Variants in MCC observed in about 807,000 individuals in gnomAD.
MCC encodes the protein MCC regulator of Wnt signaling pathway, also known as colorectal mutant cancer protein.
MCC carries 90 observed loss-of-function variants against 116.2 expected under a neutral mutation model. The observed-to-expected ratio is 0.77, with a 90% CI of 0.65 to 0.92. The LOEUF is 0.92. Among genes scored for constraint, MCC ranks in the 40% least tolerant of loss-of-function variants. The pLI is 0.00. For missense variants in MCC, 1,516 were observed against 1,312.2 expected, an observed-to-expected ratio of 1.16 and a Z score of -2.40; for synonymous variants, 578 against 510.5, an observed-to-expected ratio of 1.13 and a Z score of -1.78.
intron 5 of MCC, among the ~76,000 whole-genome samples, chr5:113,130,721 T>G (rs1393225020): frequency 2.6e-5 from 4 of 152,126 alleles, no homozygotes; most frequent in Non-Finnish European, 5.9e-5. Flanking sequence ...ATCATCCCTC[T>G]CAGGCCATGT....
At position 113,029,019 on chromosome 5, in the gene MCC, T is replaced by G. The variant is rs748007357; in HGVS notation, c.2794A>C (p.Ser932Arg). ...CTCTTGGTGAGTCTCTCCAAGGCACTCACCAGCTCTTGAACTCTGGCCTTC... is the reference window on the plus strand; with the variant it reads ...CTCTTGGTGAGTCTCTCCAAGGCACGCACCAGCTCTTGAACTCTGGCCTTC... The part of the protein sequence containing the change: ...KLKARVQELV[S>R]ALERLTKSSE... The change falls in exon 18 of 19, where the codon AGT (serine) becomes CGT (arginine). Residue 932 changes from serine (S) to arginine (R), a missense_variant. Coordinates refer to ENST00000408903, the MANE Select transcript of MCC (RefSeq NM_001085377.2). 1.4e-5 allele frequency: 23 copies of G among 1,613,598 alleles called. No individual in the cohort carries two copies. Among genetic ancestry groups the G allele is most frequent in the Non-Finnish European group, 1.9e-5 (23 of 1,179,700 alleles).
intron 3 of MCC, among the ~76,000 whole-genome samples, chr5:113,334,040 T>C (rs1767811880): frequency 6.8e-6 from 1 of 146,894 alleles, no homozygotes; most frequent in Non-Finnish European, 1.5e-5. Flanking sequence ...AATTAATACT[T>C]TTATTAATAA....
Position 113,024,126 on chromosome 5 carries a change from G to A in MCC, c.*3176C>T, listed in dbSNP as rs1750362282. The A allele has an allele frequency of 6.6e-6, 1 of 152,032 alleles. No individual in the cohort carries two copies. 9.4% of individuals were successfully genotyped at this position (152,032 alleles called of 1,614,324 possible). ...CTTCCTTTTGGAGTAGAATGTCAAG[G>A]CTCTGACTTAGAAGAGGTCCCTCTA... is the stretch of plus-strand genomic sequence containing the variant. On this transcript the variant is annotated 3_prime_UTR_variant, in exon 19 of 19. Coordinates refer to ENST00000408903, the MANE Select transcript of MCC (RefSeq NM_001085377.2).
chr5:113,183,436 T>C (rs972808299), intron 3 of MCC, among the ~76,000 whole-genome samples: 1 of 152,196 alleles, frequency 6.6e-6, no homozygotes, highest in African/African-American at 2.4e-5. Context: ...CATTCTTTCT[T>C]GTCTCAGAAG....
chr5:113,349,757 A>G (rs1023514689), intron 2 of MCC, among the ~76,000 whole-genome samples: 2 of 152,018 alleles, frequency 1.3e-5, no homozygotes, highest in African/African-American at 4.8e-5. Context: ...AAATTATCCT[A>G]GTTTACATAG....
chr5:113,257,610 T>C (rs1382435064), intron 3 of MCC, among the ~76,000 whole-genome samples: 2 of 151,838 alleles, frequency 1.3e-5, no homozygotes, highest in African/African-American at 4.8e-5. Flanking sequence ...AGACAAGAGG[T>C]ACAGAAAACC....
intron 1 of MCC, among the ~76,000 whole-genome samples, chr5:113,416,202 C>A (rs1350453919): frequency 6.6e-6 from 1 of 152,186 alleles, no homozygotes; most frequent in African/African-American, 2.4e-5. Flanking sequence ...TGGACCTATG[C>A]AACTCTTAAA....
At chr5:113,317,729 A>T (rs1293984201) in intron 3 of MCC, among the ~76,000 whole-genome samples, 1 of 152,212 alleles carries the variant, frequency 6.6e-6, no homozygotes, top group Non-Finnish European at 1.5e-5. Context: ...TGGCCATGTA[A>T]ATTGTAAATG....
In MCC at chr5:113,025,825, C is replaced by A. The variant is rs1750505141; in HGVS notation, c.*1477G>T. 6.6e-6 allele frequency: 1 copy of A among 152,094 alleles called. No individual in the cohort carries two copies. The highest frequency in any genetic ancestry group is 1.5e-5 in the Non-Finnish European group (1 of 68,028). The allele number at this position is 152,094 out of a possible 1,614,324, so 9.4% of individuals were successfully genotyped here. ...GGTGGCTGGAGTATCCTCCAGCGAA[C>A]AGAAGGCTGTGGAATTTGTATCATG... On this transcript the variant is annotated 3_prime_UTR_variant, in exon 19 of 19. Transcript: ENST00000408903.
chr5:113,453,254 C>A (rs755413901), intron 1 of MCC, among the ~76,000 whole-genome samples: 1 of 152,128 alleles, frequency 6.6e-6, no homozygotes, highest in East Asian at 1.9e-4. Flanking sequence ...TCATCTAACA[C>A]GTCCACTTCT....
chr5:113,212,422 CAT>C (rs1170474893), intron 3 of MCC, among the ~76,000 whole-genome samples: 2 of 152,120 alleles, frequency 1.3e-5, no homozygotes, highest in Non-Finnish European at 2.9e-5. Context: ...GAGAGGGCTT[CAT>C]ACCATTCTTG....
Position 113,074,502 on chromosome 5 carries a change from G to C in MCC, c.1785-3268C>G, listed in dbSNP as rs142844048. Among the ~76,000 whole-genome samples the C allele has an allele frequency of 1.1e-3, 175 of 152,288 alleles. 1 individual carries two copies. Among genetic ancestry groups the C allele is most frequent in the East Asian group, 3.9e-3 (20 of 5,182 alleles). The stretch of plus-strand genomic sequence containing the variant: ...CTCCTCCAAAGGAAGACAGCTCCTC[G>C]CCAGCAATGGAACAAAGCTGGACAG... On this transcript the variant is annotated intron_variant, in intron 11 of 18. Transcript: ENST00000408903.
rs111487431 is a variant in MCC at position 113,428,374 on chromosome 5, G to A, written c.171-43162C>T. Among the ~76,000 whole-genome samples the A allele has an allele frequency of 5.8e-4, 88 of 152,288 alleles. 1 individual carries two copies. The highest frequency in any genetic ancestry group is 2.0e-3 in the African/African-American group (84 of 41,546). On this transcript the variant is annotated intron_variant, in intron 1 of 18. Transcript: ENST00000408903. ...ACCGACTGAAGCATGTGTTCTCTCA[G>A]CTGCCAGCAGGGTTGGCTGCAGAAG...
At chr5:113,204,694 G>T (rs1762834908) in intron 3 of MCC, 1 of 152,214 alleles carries the variant, frequency 6.6e-6, no homozygotes, top group Admixed American at 6.5e-5. Flanking sequence ...GAGAAATTGT[G>T]CAAGCGAAGA....
intron 13 of MCC, among the ~76,000 whole-genome samples, chr5:113,066,012 A>G (rs1389122039): frequency 6.6e-6 from 1 of 152,198 alleles, no homozygotes; most frequent in Admixed American, 6.5e-5. Context: ...CACAAATAAG[A>G]CATTTTACAT....
chr5:113,118,278 A>G (rs1416794507), intron 6 of MCC, among the ~76,000 whole-genome samples: 4 of 152,288 alleles, frequency 2.6e-5, no homozygotes, highest in African/African-American at 7.2e-5. Flanking sequence ...ATTCTAAGCA[A>G]TAACTCCTAC....
intron 3 of MCC, among the ~76,000 whole-genome samples, chr5:113,184,934 C>T (rs192850425): frequency 3.5e-4 from 53 of 152,278 alleles, no homozygotes; most frequent in African/African-American, 1.2e-3. Flanking sequence ...AAATGTTAGC[C>T]TGAGAGTAAC....
chr5:113,162,364 C>T (rs1447470688), intron 3 of MCC, among the ~76,000 whole-genome samples: 1 of 152,182 alleles, frequency 6.6e-6, no homozygotes, highest in Non-Finnish European at 1.5e-5. Context: ...TTTTCTAAGC[C>T]TCAGTCTACT....
rs535008368 is a variant in MCC, at chr5:113,335,603, A to G, written c.627+4916T>C. On this transcript the variant is annotated intron_variant, in intron 3 of 18. Transcript: ENST00000408903. ...TCCTGGTAATACAAATCTTTGTAGA[A>G]AAAATCTATCAGAAAACAGGCAGTA... 7.5e-4 allele frequency among the ~76,000 whole-genome samples: 114 copies of G among 151,890 alleles called. 8 individuals carry two copies. The highest frequency in any genetic ancestry group is 2.6e-3 in the African/African-American group (108 of 41,144).
Sources: gnomAD v4.1 joint callset for allele counts (sites outside exome capture counted in the v4.1 genomes callset) on GRCh38, gnomAD v4.1.1 for gene constraint, MANE v1.5 for transcripts, NCBI Gene and HGNC (gene_info 2026-07-23, HGNC 2026-07-21) for gene names.